TP63: variants seen among roughly 807,000 people sequenced by gnomAD.
The protein encoded by TP63 is tumor protein p63.
Under a neutral mutation model 82.8 loss-of-function variants are expected in TP63, and 17 were observed. That is an observed-to-expected ratio of 0.21 (90% CI 0.14 to 0.31). The LOEUF (loss-of-function observed/expected upper bound fraction) is 0.31. Among genes scored for constraint, TP63 ranks in the 10% least tolerant of loss-of-function variants. The pLI is 1.00. For synonymous variants in TP63, 330 were observed against 321.7 expected (o/e 1.03, Z -0.28); for missense variants, 648 against 895.3 (o/e 0.72, Z 3.52).
chr3:189,735,169 T>C (rs570724130), intron 1 of TP63, among the ~76,000 whole-genome samples: 19 of 152,268 alleles, frequency 1.2e-4, no homozygotes, highest in African/African-American at 4.3e-4. Flanking sequence ...CCTTGGCTTC[T>C]AAAATACCAT....
chr3:189,881,296 ATC>A lies in TP63; in HGVS notation c.1350-5094_1350-5093del, dbSNP rs1278275087. On this transcript the variant is annotated intron_variant, in intron 10 of 13. Transcript: ENST00000264731. ...TTTTTTTTACTCAAAAGTTTAGAGA[ATC>A]TCTGTTTCTTTCCATTTTAAAAACA... 4.1e-6 allele frequency: 4 copies of A among 985,194 alleles called. No individual in the cohort carries two copies. The African/African-American group carries it at 5.2e-5, about 13-fold the overall frequency. 61.0% of individuals were successfully genotyped at this position (985,194 alleles called of 1,614,324 possible).
intron 9 of TP63, among the ~76,000 whole-genome samples, chr3:189,871,836 C>T (rs1027782380): frequency 3.3e-5 from 5 of 152,180 alleles, no homozygotes; most frequent in Admixed American, 2.0e-4. Flanking sequence ...ATCCTCCCAC[C>T]TCACCTCCCC....
intron 10 of TP63, among the ~76,000 whole-genome samples, chr3:189,877,675 G>A (rs1246663047): frequency 2.6e-5 from 4 of 152,104 alleles, no homozygotes; most frequent in African/African-American, 9.7e-5. Context: ...GAACAAAGCA[G>A]GATCTCCAAG....
chr3:189,879,644 TTTAA>T (rs1252523914), intron 10 of TP63, among the ~76,000 whole-genome samples: 1 of 152,212 alleles, frequency 6.6e-6, no homozygotes, highest in African/African-American at 2.4e-5. Context: ...ATTCCTTTTT[TTTAA>T]TTGAGTCCAG....
At chr3:189,853,647 T>C (rs905325923) in intron 4 of TP63, among the ~76,000 whole-genome samples, 4 of 152,238 alleles carry the variant, frequency 2.6e-5, no homozygotes, top group Non-Finnish European at 5.9e-5. Flanking sequence ...TTATACTCTA[T>C]CCCCTTTGAA....
rs566246441 is a variant in TP63 at position 189,685,446 on chromosome 3, C to T, written c.63-52294C>T. On this transcript the variant is annotated intron_variant, in intron 1 of 13. Coordinates refer to ENST00000264731, the MANE Select transcript of TP63 (RefSeq NM_003722.5). ...TCACTTCTCCTGCCTTTATTCTTTTCACCCTAGCTTCTTTTGTTCTCTAAG... is the reference window on the plus strand; with the variant it reads ...TCACTTCTCCTGCCTTTATTCTTTTTACCCTAGCTTCTTTTGTTCTCTAAG... Among the ~76,000 whole-genome samples the T allele has an allele frequency of 5.3e-5, 8 of 152,246 alleles. No homozygotes were observed. In the East Asian group the frequency reaches 1.5e-3, roughly 29 times the overall value.
intron 4 of TP63, among the ~76,000 whole-genome samples, chr3:189,840,076 A>C (rs182339660): frequency 1.7e-4 from 26 of 152,364 alleles, no homozygotes; most frequent in African/African-American, 6.3e-4. Context: ...CCTAGACTGT[A>C]GATCACAGTA....
chr3:189,685,950 G>A (rs993986223), intron 1 of TP63, among the ~76,000 whole-genome samples: 28 of 152,140 alleles, frequency 1.8e-4, no homozygotes, highest in Admixed American at 3.3e-4. Flanking sequence ...GCTTTGCTCT[G>A]GGAATCAGAA....
chr3:189,754,693 T>A (rs777464768), intron 3 of TP63, among the ~76,000 whole-genome samples: 2 of 152,176 alleles, frequency 1.3e-5, no homozygotes, highest in Non-Finnish European at 2.9e-5. Context: ...GGATTCACAA[T>A]GTCACTTAAC....
chr3:189,818,743 AT>A (rs1404324186), intron 4 of TP63, among the ~76,000 whole-genome samples: 2 of 152,148 alleles, frequency 1.3e-5, no homozygotes, highest in African/African-American at 4.8e-5. Context: ...ATCTGATTGA[AT>A]TTGAAAATGT....
In TP63 at chr3:189,895,887, G is replaced by A. The variant is rs989693042; in HGVS notation, c.*1385G>A. On this transcript the variant is annotated 3_prime_UTR_variant, in exon 14 of 14. Transcript: ENST00000264731. ...TCATTTTCTTTTTTAACCGGTAAGA[G>A]TTTCAGTTTGTTGGAAAGTAACTGT... 3 of 225,958 alleles carry A rather than the reference G, an allele frequency of 1.3e-5. No individual in the cohort carries two copies. The highest frequency in any genetic ancestry group is 4.4e-5 in the African/African-American group (2 of 44,952). 14.0% of individuals were successfully genotyped at this position (225,958 alleles called of 1,614,324 possible).
At chr3:189,738,933 G>T in intron 3 of TP63, 159 bp downstream of exon 3, 1 of 1,098,682 alleles carries the variant, frequency 9.1e-7, no homozygotes, top group South Asian at 1.4e-5. Context: ...ATTTGGTGTG[G>T]ATTATGCATT....
chr3:189,656,241 T>C (rs1003426992), intron 1 of TP63, among the ~76,000 whole-genome samples: 7 of 152,136 alleles, frequency 4.6e-5, no homozygotes, highest in African/African-American at 1.7e-4. Flanking sequence ...GGGAGTTCTC[T>C]ATTATAAGAG....
intron 1 of TP63, among the ~76,000 whole-genome samples, 194 bp downstream of exon 1, chr3:189,631,771 C>T (rs575226164): frequency 2.7e-4 from 41 of 151,950 alleles, no homozygotes; most frequent in Non-Finnish European, 5.3e-4. Flanking sequence ...ATATTTGGAT[C>T]TACAAAGTGA....
chr3:189,628,567 T>C (rs1354379317), upstream of TP63, among the ~76,000 whole-genome samples: 3 of 152,108 alleles, frequency 2.0e-5, no homozygotes, highest in Non-Finnish European at 4.4e-5. Context: ...ATCTAAAGTC[T>C]TCACAAACAT....
chr3:189,891,319 A>G (rs1373291346), intron 13 of TP63, among the ~76,000 whole-genome samples: 1 of 152,242 alleles, frequency 6.6e-6, no homozygotes, highest in Admixed American at 6.5e-5. Context: ...ATGACTATTT[A>G]AAACAAAACT....
At chr3:189,733,743 G>A (rs560752192) in intron 1 of TP63, among the ~76,000 whole-genome samples, 2 of 152,302 alleles carry the variant, frequency 1.3e-5, no homozygotes, top group African/African-American at 4.8e-5. Flanking sequence ...CATCTTGAGA[G>A]TATTTATAAG....
chr3:189,665,241 T>C (rs1714280552), intron 1 of TP63, among the ~76,000 whole-genome samples: 1 of 152,120 alleles, frequency 6.6e-6, no homozygotes, highest in Non-Finnish European at 1.5e-5. Flanking sequence ...ATTTATGCTG[T>C]AGAAATTGAC....
chr3:189,731,358 A>G (rs780966683), intron 1 of TP63, among the ~76,000 whole-genome samples: 1 of 152,188 alleles, frequency 6.6e-6, no homozygotes, highest in Non-Finnish European at 1.5e-5. Context: ...AAAAAGAAAA[A>G]AAAAGAACAC....
Sources: gnomAD v4.1 joint callset for allele counts (sites outside exome capture counted in the v4.1 genomes callset) on GRCh38, gnomAD v4.1.1 for gene constraint, MANE v1.5 for transcripts, NCBI Gene and HGNC (gene_info 2026-07-23, HGNC 2026-07-21) for gene names.